CARMIL1: variants seen among roughly 807,000 people sequenced by gnomAD.
The protein encoded by CARMIL1 is F-actin-uncapping protein LRRC16A.
In CARMIL1, 90 loss-of-function variants were observed where a neutral mutation model predicts 177.1. The ratio of observed to expected loss-of-function variants is 0.51; its 90% CI spans 0.43 to 0.61. The LOEUF (loss-of-function observed/expected upper bound fraction) is 0.61. Among genes scored for constraint, CARMIL1 ranks in the 20% least tolerant of loss-of-function variants. CARMIL1 has a pLI of 0.00. For missense variants in CARMIL1, 1,380 were observed against 1,667.0 expected (o/e 0.83, Z 3.00); for synonymous variants, 577 against 606.2 (o/e 0.95, Z 0.71).
chr6:25,604,794 G>A lies in CARMIL1; in HGVS notation c.3553-18G>A. The A allele has an allele frequency of 6.4e-7, 1 of 1,564,114 alleles. No homozygotes were observed. The highest frequency in any genetic ancestry group is 8.7e-7 in the Non-Finnish European group (1 of 1,152,164). ...ATAAATGTGCACTTTTTGGGGGGAT[G>A]GTGCTTGAATTTTTTAGAAGCTTGG... is the stretch of plus-strand genomic sequence containing the variant. On this transcript the variant is annotated intron_variant, in intron 33 of 36. Coordinates refer to ENST00000329474, the MANE Select transcript of CARMIL1 (RefSeq NM_017640.6).
At chr6:25,426,996 A>G (rs1478583369) in intron 4 of CARMIL1, among the ~76,000 whole-genome samples, 1 of 152,128 alleles carries the variant, frequency 6.6e-6, no homozygotes, top group African/African-American at 2.4e-5. Context: ...GTACAATTTG[A>G]TAAGTGTTGA....
rs1221738309 is a variant in CARMIL1, at chr6:25,426,566, T to C, written c.249+6T>C. On this transcript the variant is annotated splice_donor_region_variant and intron_variant, in intron 4 of 36. Transcript: ENST00000329474. ...TTTGCAGCAAGTCAGCTCAGGTGAG[T>C]GTGAAAAATGGATCACTGCAAGATC... 1.2e-6 allele frequency: 2 copies of C among 1,609,952 alleles called. No homozygotes were observed. The highest frequency in any genetic ancestry group is 1.3e-5 in the African/African-American group (1 of 74,868).
chr6:25,611,500 ACCCTAATTTTCCAT>A lies in CARMIL1; in HGVS notation c.3979+1322_3979+1335del, dbSNP rs542553029. ...ACCACCAAGTGCGTCTCCCATTCCT[ACCCTAATTTTCCAT>A]CCTTTCTGCAACTGCTGACTTTACA... On this transcript the variant is annotated intron_variant, in intron 36 of 36. Transcript: ENST00000329474. Among the ~76,000 whole-genome samples the A allele has an allele frequency of 8.6e-3, 1,312 of 152,160 alleles. 12 individuals carry two copies. The highest frequency in any genetic ancestry group is 0.011 in the Non-Finnish European group (759 of 67,974).
chr6:25,285,670 G>T (rs1326389056), intron 2 of CARMIL1, among the ~76,000 whole-genome samples: 2 of 152,114 alleles, frequency 1.3e-5, no homozygotes, highest in Non-Finnish European at 2.9e-5. Flanking sequence ...TTTTATCATG[G>T]ATATTTTCAA....
At chr6:25,514,929 CA>C (rs34908768) in intron 20 of CARMIL1, among the ~76,000 whole-genome samples, 32,677 of 133,730 alleles carry the variant, frequency 0.24, 3,582 homozygotes, top group Admixed American at 0.27. Context: ...GACCCTGTCT[CA>C]AAAAAAAAAA....
intron 23 of CARMIL1, among the ~76,000 whole-genome samples, chr6:25,525,669 G>C (rs1807023498): frequency 6.6e-6 from 1 of 152,174 alleles, no homozygotes; most frequent in Non-Finnish European, 1.5e-5. Flanking sequence ...TGGTATAAAG[G>C]ATGGAAAAGG....
chr6:25,406,058 C>T (rs1015266505), intron 2 of CARMIL1, among the ~76,000 whole-genome samples: 3 of 152,194 alleles, frequency 2.0e-5, no homozygotes, highest in Non-Finnish European at 2.9e-5. Flanking sequence ...TTGAATAGGA[C>T]AGATGTGGTC....
chr6:25,610,112 GT>G lies in CARMIL1; in HGVS notation c.3912del (p.Pro1305LeufsTer129). 1 of 1,613,874 alleles carries G rather than the reference GT, an allele frequency of 6.2e-7. No homozygotes were observed. The highest frequency in any genetic ancestry group is 8.5e-7 in the Non-Finnish European group (1 of 1,179,862). On this transcript the variant is annotated frameshift_variant, in exon 36 of 37. Transcript: ENST00000329474. LOFTEE classifies it high-confidence loss of function. The stretch of plus-strand genomic sequence containing the variant: ...CCTTCTTCCACCTGTCCTGAAAAAA[GT>G]TCCTTCAGACAAAGAGAGAGATGGC... ...VALLPPVLKK[V>X]PSDKERDGQS...
At chr6:25,348,331 C>T (rs1408782626) in intron 2 of CARMIL1, among the ~76,000 whole-genome samples, 1 of 151,626 alleles carries the variant, frequency 6.6e-6, no homozygotes, top group Admixed American at 6.6e-5. Context: ...GGGGTTTCAC[C>T]ATGTTGGGCA....
chr6:25,292,194 GTAA>G (rs1782025278), intron 2 of CARMIL1, among the ~76,000 whole-genome samples: 1 of 152,186 alleles, frequency 6.6e-6, no homozygotes, highest in Non-Finnish European at 1.5e-5. Context: ...CAGTTGTTGG[GTAA>G]TTTGAACAGT....
At chr6:25,369,851 C>G (rs1300276732) in intron 2 of CARMIL1, 3 of 152,176 alleles carry the variant, frequency 2.0e-5, no homozygotes, top group African/African-American at 4.8e-5. Flanking sequence ...CAGCCACGCT[C>G]TTTGTTTTTA....
At chr6:25,415,412 G>A (rs1350848671) in intron 2 of CARMIL1, among the ~76,000 whole-genome samples, 1 of 151,856 alleles carries the variant, frequency 6.6e-6, no homozygotes, top group African/African-American at 2.4e-5. Flanking sequence ...TTCTGGAAAG[G>A]GCAAGTCAAG....
intron 15 of CARMIL1, among the ~76,000 whole-genome samples, chr6:25,492,563 A>G (rs1803349757): frequency 6.6e-6 from 1 of 152,224 alleles, no homozygotes; most frequent in East Asian, 1.9e-4. Context: ...AGGAATTATC[A>G]GAGGAATTAT....
rs539771588 is a variant in CARMIL1, at chr6:25,324,786, A to AG, written c.138+39884dup. Among the ~76,000 whole-genome samples, 68 of 152,084 alleles carry AG rather than the reference A, an allele frequency of 4.5e-4. No individual in the cohort carries two copies. In the South Asian group the frequency reaches 6.7e-3, roughly 15 times the overall value. ...GCTGTTGGAGATAATATGTCAGGGA[A>AG]GGGGGGGTGTTTAGTAGAGGGCTGA... On this transcript the variant is annotated intron_variant, in intron 2 of 36. Coordinates refer to ENST00000329474, the MANE Select transcript of CARMIL1 (RefSeq NM_017640.6).
At chr6:25,465,816 G>C in intron 8 of CARMIL1, 57 bp from the exon 9 acceptor site, 1 of 958,466 alleles carries the variant, frequency 1.0e-6, no homozygotes. Context: ...TAAAAATTAA[G>C]TGTCAGTGTA....
intron 2 of CARMIL1, among the ~76,000 whole-genome samples, chr6:25,416,286 G>C (rs1320309405): frequency 6.6e-6 from 1 of 152,100 alleles, no homozygotes; most frequent in African/African-American, 2.4e-5. Context: ...TGAGGAATCT[G>C]TTTTTTGGAA....
chr6:25,619,383 A>G (rs898954904), intron 36 of CARMIL1, 64 bp from the exon 37 acceptor site: 12 of 1,510,540 alleles, frequency 7.9e-6, no homozygotes, highest in African/African-American at 2.8e-5. Flanking sequence ...ATCTCAGCCC[A>G]TTATCAGTCA....
At chr6:25,500,120 G>C in intron 16 of CARMIL1, 46 bp from the exon 17 acceptor site, 4 of 1,545,526 alleles carry the variant, frequency 2.6e-6, no homozygotes, top group Non-Finnish European at 3.6e-6. Context: ...TTTCTTTTGG[G>C]CAGTGTGTGG....
chr6:25,457,674 G>C (rs895086547), intron 8 of CARMIL1, among the ~76,000 whole-genome samples: 2 of 152,168 alleles, frequency 1.3e-5, no homozygotes, highest in African/African-American at 4.8e-5. Context: ...GCCGTTCCAC[G>C]AGAGTGCATA....
Sources: allele counts gnomAD v4.1 joint callset (sites outside exome capture counted in the v4.1 genomes callset), GRCh38; gene constraint gnomAD v4.1.1; transcripts MANE v1.5; gene names NCBI Gene and HGNC (gene_info 2026-07-23, HGNC 2026-07-21).